WWOX: variants seen among roughly 807,000 people sequenced by gnomAD.
WWOX encodes WW domain containing oxidoreductase, also known as WW domain-containing oxidoreductase.
A neutral mutation model predicts 46.2 loss-of-function variants in WWOX; 69 were observed. That is an observed-to-expected ratio of 1.49 (90% CI 1.23 to 1.82). The LOEUF is 1.82. Among genes scored for constraint, WWOX ranks in the 40% most tolerant of loss-of-function variants. The pLI is 0.00. For synonymous variants in WWOX, 359 were observed against 202.6 expected (o/e 1.77, Z -6.56); for missense variants, 919 against 542.6 (o/e 1.69, Z -6.89).
At chr16:78,648,295 T>C (rs1242141013) in intron 8 of WWOX, among the ~76,000 whole-genome samples, 1 of 152,192 alleles carries the variant, frequency 6.6e-6, no homozygotes, top group Admixed American at 6.5e-5. Flanking sequence ...CCTCTGAGAA[T>C]GCGAGGCCCT....
chr16:78,796,661 G>C (rs1397173630), intron 8 of WWOX, among the ~76,000 whole-genome samples: 1 of 152,194 alleles, frequency 6.6e-6, no homozygotes, highest in East Asian at 1.9e-4. Context: ...ATATTTGTTA[G>C]AGATATATCT....
Position 78,347,291 on chromosome 16 carries a change from C to T in WWOX, c.517-39569C>T, listed in dbSNP as rs568355547. Among the ~76,000 whole-genome samples the T allele has an allele frequency of 1.5e-4, 18 of 116,412 alleles. 1 individual carries two copies. The South Asian group carries it at 4.7e-3, about 31-fold the overall frequency. 76.4% of individuals were successfully genotyped at this position (116,412 alleles called of 152,430 possible). On this transcript the variant is annotated intron_variant, in intron 5 of 8. Transcript: ENST00000566780. ...TTTCTCCCTCTGGCCAATGCTCCTTCCCCTGTAGATCATACCCATTCCCAA... is the reference window on the plus strand; with the variant it reads ...TTTCTCCCTCTGGCCAATGCTCCTTTCCCTGTAGATCATACCCATTCCCAA...
chr16:78,997,866 T>G (rs1272021671), intron 8 of WWOX, among the ~76,000 whole-genome samples: 1 of 152,186 alleles, frequency 6.6e-6, no homozygotes, highest in Non-Finnish European at 1.5e-5. Context: ...GCCTAATGTT[T>G]AGCTTCCAAC....
In WWOX at chr16:78,887,518, C is replaced by CACACACACAT. The variant is rs1199309440; in HGVS notation, c.1057-324089_1057-324088insCACACACATA. ...ACACACACACACACACACACACACA[C>CACACACACAT]AAGAAATGACTACAGACACCTCAAC... On this transcript the variant is annotated intron_variant, in intron 8 of 8. Coordinates refer to ENST00000566780, the MANE Select transcript of WWOX (RefSeq NM_016373.4). Among the ~76,000 whole-genome samples, 115 of 147,450 alleles carry CACACACACAT rather than the reference C, an allele frequency of 7.8e-4. 3 individuals are homozygous for CACACACACAT. The highest frequency in any genetic ancestry group is 2.8e-3 in the African/African-American group (111 of 39,386).
intron 8 of WWOX, among the ~76,000 whole-genome samples, chr16:78,843,305 T>TA (rs2052210066): frequency 6.7e-6 from 1 of 150,234 alleles, no homozygotes; most frequent in Admixed American, 6.7e-5. Flanking sequence ...GCAAAATTCT[T>TA]ACTTTTTGGG....
chr16:78,741,129 C>T (rs760990968), intron 8 of WWOX, among the ~76,000 whole-genome samples: 1 of 152,158 alleles, frequency 6.6e-6, no homozygotes, highest in African/African-American at 2.4e-5. Flanking sequence ...AACTGCCTAG[C>T]GCCACTTCAC....
chr16:78,808,159 A>G (rs201770755), intron 8 of WWOX, among the ~76,000 whole-genome samples: 3 of 152,136 alleles, frequency 2.0e-5, no homozygotes, highest in East Asian at 1.9e-4. Flanking sequence ...TTTGGCACCC[A>G]TGTTATTCCA....
chr16:79,073,996 C>G (rs1198706395), intron 8 of WWOX, among the ~76,000 whole-genome samples: 1 of 119,796 alleles, frequency 8.3e-6, no homozygotes. Context: ...TGCCAAAGGT[C>G]TGAGGAAAAA....
At chr16:78,542,467 G>C (rs571723168) in intron 8 of WWOX, among the ~76,000 whole-genome samples, 40 of 152,098 alleles carry the variant, frequency 2.6e-4, no homozygotes, top group African/African-American at 8.9e-4. Context: ...GATTTTTTTT[G>C]TTTTTGTTTT....
At chr16:79,157,957 G>T (rs939024798) in intron 8 of WWOX, among the ~76,000 whole-genome samples, 1 of 152,178 alleles carries the variant, frequency 6.6e-6, no homozygotes, top group Non-Finnish European at 1.5e-5. Flanking sequence ...GTGGCCTGGG[G>T]CATGAGAAAT....
At chr16:78,629,543 G>C (rs1383673367) in intron 8 of WWOX, among the ~76,000 whole-genome samples, 1 of 152,106 alleles carries the variant, frequency 6.6e-6, no homozygotes, top group Non-Finnish European at 1.5e-5. Flanking sequence ...TATCCCTTAG[G>C]ATAAAATAAC....
intron 8 of WWOX, among the ~76,000 whole-genome samples, chr16:78,953,590 C>T (rs2046106434): frequency 6.6e-6 from 1 of 152,274 alleles, no homozygotes; most frequent in African/African-American, 2.4e-5. Context: ...AGTGTGTCCC[C>T]TCCACTGTTG....
chr16:78,898,339 A>G (rs1222545652), intron 8 of WWOX: 1 of 152,086 alleles, frequency 6.6e-6, no homozygotes, highest in Non-Finnish European at 1.5e-5. Context: ...GTAATGGTAG[A>G]GGTTTATTTT....
At chr16:78,771,315 A>T (rs1050918255) in intron 8 of WWOX, among the ~76,000 whole-genome samples, 1 of 152,196 alleles carries the variant, frequency 6.6e-6, no homozygotes, top group African/African-American at 2.4e-5. Flanking sequence ...ACAGTGATCC[A>T]ACCCCCAGCT....
chr16:79,186,003 G>T (rs1461937762), intron 8 of WWOX, among the ~76,000 whole-genome samples: 2 of 151,802 alleles, frequency 1.3e-5, no homozygotes, highest in Admixed American at 6.6e-5. Context: ...ATGTCTGCTG[G>T]CCTTGAGAAG....
chr16:78,293,122 T>A (rs2079886192), intron 5 of WWOX, among the ~76,000 whole-genome samples: 1 of 152,204 alleles, frequency 6.6e-6, no homozygotes, highest in Non-Finnish European at 1.5e-5. Flanking sequence ...GATTTTGGAA[T>A]CAGGCTGGGA....
intron 8 of WWOX, among the ~76,000 whole-genome samples, chr16:78,925,333 A>G (rs1597158573): frequency 6.6e-6 from 1 of 152,236 alleles, no homozygotes; most frequent in East Asian, 1.9e-4. Flanking sequence ...GATGATAAAC[A>G]CAGAGTTCTA....
chr16:78,774,228 C>T (rs2050132556), intron 8 of WWOX, among the ~76,000 whole-genome samples: 1 of 152,122 alleles, frequency 6.6e-6, no homozygotes, highest in Non-Finnish European at 1.5e-5. Context: ...TGGTGAAACC[C>T]TGTCTCTACT....
intron 5 of WWOX, among the ~76,000 whole-genome samples, chr16:78,176,849 G>A (rs550653392): frequency 6.6e-6 from 1 of 152,136 alleles, no homozygotes; most frequent in Non-Finnish European, 1.5e-5. Flanking sequence ...TATTTTTAAG[G>A]CAGGGAAGGA....
Sources: gnomAD v4.1 joint callset for allele counts (sites outside exome capture counted in the v4.1 genomes callset) on GRCh38, gnomAD v4.1.1 for gene constraint, MANE v1.5 for transcripts, NCBI Gene and HGNC (gene_info 2026-07-23, HGNC 2026-07-21) for gene names.